Variants in SLC39A8 observed in about 807,000 individuals in gnomAD.
SLC39A8 encodes the protein metal cation symporter ZIP8.
A neutral mutation model predicts 40.4 loss-of-function variants in SLC39A8; 15 were observed. That is an observed-to-expected ratio of 0.37 (90% CI 0.25 to 0.57). The LOEUF (loss-of-function observed/expected upper bound fraction) is 0.57, where lower values mean the gene tolerates loss of function less well. Among genes scored for constraint, SLC39A8 ranks in the 20% least tolerant of loss-of-function variants. SLC39A8 has a pLI of 0.75. For synonymous variants in SLC39A8, 223 were observed against 221.6 expected, an observed-to-expected ratio of 1.01 and a Z score of -0.06; for missense variants, 472 against 558.8, an observed-to-expected ratio of 0.84 and a Z score of 1.57.
At chr4:102,331,235 G>T (rs939426920) in intron 2 of SLC39A8, among the ~76,000 whole-genome samples, 6 of 152,318 alleles carry the variant, frequency 3.9e-5, no homozygotes, top group Middle Eastern at 6.8e-3. Flanking sequence ...CAGTCAAATT[G>T]TCTCGTTTGC....
chr4:102,318,320 G>T (rs1353517834), intron 2 of SLC39A8, among the ~76,000 whole-genome samples: 1 of 152,130 alleles, frequency 6.6e-6, no homozygotes, highest in Non-Finnish European at 1.5e-5. Context: ...TCACCACGAA[G>T]AACACAGAGA....
At chr4:102,305,330 T>C (rs1215273248) in intron 4 of SLC39A8, among the ~76,000 whole-genome samples, 1 of 151,930 alleles carries the variant, frequency 6.6e-6, no homozygotes, top group Non-Finnish European at 1.5e-5. Flanking sequence ...AGAAGTCTCA[T>C]TAAATAAAGC....
At chr4:102,295,592 T>C (rs1365671591) in intron 6 of SLC39A8, among the ~76,000 whole-genome samples, 1 of 152,104 alleles carries the variant, frequency 6.6e-6, no homozygotes, top group Admixed American at 6.6e-5. Context: ...CAGGCTGGTC[T>C]TCAACTCCTG....
chr4:102,319,026 T>G (rs1003854921), intron 2 of SLC39A8, among the ~76,000 whole-genome samples: 3 of 152,204 alleles, frequency 2.0e-5, no homozygotes, highest in Non-Finnish European at 2.9e-5. Context: ...TAGGGTGACC[T>G]CAAATGGGCC....
rs1056721251 is a variant in SLC39A8, at chr4:102,339,285, TAGA to T, written c.219+5156_219+5158del. On this transcript the variant is annotated intron_variant, in intron 2 of 8. Coordinates refer to ENST00000356736, the MANE Select transcript of SLC39A8 (RefSeq NM_001135146.2). The stretch of plus-strand genomic sequence containing the variant: ...GAACAAGCAGGTTAGAAGGCATTCC[TAGA>T]AGGTTTACCCCCACCATTTCTCAGC... Among the ~76,000 whole-genome samples the T allele has an allele frequency of 3.2e-4, 49 of 151,532 alleles. 1 individual carries two copies. Among genetic ancestry groups the T allele is most frequent in the East Asian group, 3.9e-4 (2 of 5,104 alleles).
intron 2 of SLC39A8, among the ~76,000 whole-genome samples, chr4:102,343,857 A>C (rs1736040366): frequency 1.3e-5 from 2 of 152,200 alleles, no homozygotes; most frequent in South Asian, 4.1e-4. Context: ...TATGACAAGG[A>C]ACTAACAATA....
intron 6 of SLC39A8, among the ~76,000 whole-genome samples, chr4:102,298,118 C>T (rs577271890): frequency 6.6e-6 from 1 of 151,918 alleles, no homozygotes; most frequent in South Asian, 2.1e-4. Context: ...TCCAAATCAT[C>T]ATCTCAGTCT....
exon 12 of SLC39A8, chr4:102,251,530 A>T (rs927614950): frequency 5.3e-5 from 8 of 152,190 alleles, no homozygotes; most frequent in African/African-American, 1.9e-4. Flanking sequence ...TGGGCCCAAG[A>T]ATTAAATTGA....
downstream of SLC39A8, among the ~76,000 whole-genome samples, chr4:102,258,312 G>A (rs1311232198): frequency 6.6e-6 from 1 of 152,066 alleles, no homozygotes; most frequent in Non-Finnish European, 1.5e-5. Flanking sequence ...AGTTCTCACA[G>A]GGGTAACTAA....
In SLC39A8 at chr4:102,325,084, C is replaced by CAT. The variant is rs199999450; in HGVS notation, c.220-9256_220-9255dup. Among the ~76,000 whole-genome samples, 5 of 151,804 alleles carry CAT rather than the reference C, an allele frequency of 3.3e-5. No homozygotes were observed. In the East Asian group the frequency reaches 5.8e-4, roughly 18 times the overall value. On this transcript the variant is annotated intron_variant, in intron 2 of 8. Transcript: ENST00000356736. ...ATATATACATACATACTTATATATA[C>CAT]ATATATATATGTATACATATATACA...
intron 2 of SLC39A8, among the ~76,000 whole-genome samples, chr4:102,338,536 A>G (rs887310276): frequency 6.6e-6 from 1 of 152,186 alleles, no homozygotes; most frequent in Non-Finnish European, 1.5e-5. Context: ...ACAAGTCATC[A>G]TCATCGTAGC....
At chr4:102,256,834 G>T (rs1422733955), downstream of SLC39A8, among the ~76,000 whole-genome samples, 1 of 152,172 alleles carries the variant, frequency 6.6e-6, no homozygotes. Flanking sequence ...AGGTGAGGCA[G>T]GTCCATTAAT....
chr4:102,280,402 A>G (rs1222224879), intron 6 of SLC39A8, among the ~76,000 whole-genome samples: 1 of 152,196 alleles, frequency 6.6e-6, no homozygotes, highest in Non-Finnish European at 1.5e-5. Flanking sequence ...ATTCCACAAC[A>G]CAATACTATG....
intron 2 of SLC39A8, among the ~76,000 whole-genome samples, chr4:102,340,924 T>C (rs569093187): frequency 6.6e-6 from 1 of 152,268 alleles, no homozygotes; most frequent in South Asian, 2.1e-4. Flanking sequence ...CCAAGGAAGA[T>C]AATGAGTTAA....
downstream of SLC39A8, among the ~76,000 whole-genome samples, chr4:102,260,007 C>G (rs140055369): frequency 2.2e-4 from 33 of 152,208 alleles, no homozygotes; most frequent in African/African-American, 7.5e-4. Context: ...ATAAATAGTA[C>G]TCACAGGAGG....
chr4:102,289,706 G>A (rs1264408305), intron 6 of SLC39A8, among the ~76,000 whole-genome samples: 1 of 152,102 alleles, frequency 6.6e-6, no homozygotes, highest in Non-Finnish European at 1.5e-5. Flanking sequence ...AGTCACGGTA[G>A]GTGTACGGGA....
At chr4:102,332,978 G>C (rs1301093829) in intron 2 of SLC39A8, among the ~76,000 whole-genome samples, 1 of 152,094 alleles carries the variant, frequency 6.6e-6, no homozygotes, top group Non-Finnish European at 1.5e-5. Flanking sequence ...AGAACACATG[G>C]ACACAGGGAG....
intron 3 of SLC39A8, among the ~76,000 whole-genome samples, chr4:102,308,188 T>C (rs1164047768): frequency 6.6e-6 from 1 of 151,990 alleles, no homozygotes; most frequent in African/African-American, 2.4e-5. Context: ...GGTCCCCAGC[T>C]GGAGCCTCCT....
intron 2 of SLC39A8, among the ~76,000 whole-genome samples, chr4:102,319,792 G>A (rs1178463669): frequency 3.3e-5 from 5 of 151,996 alleles, no homozygotes; most frequent in Admixed American, 6.6e-5. Context: ...TTTCTAGGGC[G>A]TTAAACATTA....
Sources: gnomAD v4.1 joint callset for allele counts (sites outside exome capture counted in the v4.1 genomes callset) on GRCh38, gnomAD v4.1.1 for gene constraint, MANE v1.5 for transcripts, NCBI Gene and HGNC (gene_info 2026-07-23, HGNC 2026-07-21) for gene names.